The following GABRB1 variants were observed in gnomAD, a reference collection of about 807,000 sequenced individuals.
GABRB1 encodes gamma-aminobutyric acid receptor subunit beta-1.
Under a neutral mutation model 51.6 loss-of-function variants are expected in GABRB1, and 17 were observed. That is an observed-to-expected ratio of 0.33 (90% CI 0.23 to 0.49). The LOEUF (loss-of-function observed/expected upper bound fraction) is 0.49. Ranked by LOEUF, GABRB1 falls within the 20% of genes least tolerant of loss-of-function variation. The pLI, the probability that GABRB1 is intolerant of heterozygous loss-of-function variation, is 0.99. For missense variants in GABRB1, 410 were observed against 600.6 expected (o/e 0.68, Z 3.32); for synonymous variants, 247 against 218.9 (o/e 1.13, Z -1.14).
intron 4 of GABRB1, among the ~76,000 whole-genome samples, chr4:47,194,095 T>C (rs753140551): frequency 2.6e-5 from 4 of 152,218 alleles, no homozygotes; most frequent in Non-Finnish European, 5.9e-5. Flanking sequence ...GTTTTGACTG[T>C]AGCACTCTCA....
chr4:47,048,735 A>G (rs1037119517), intron 3 of GABRB1, among the ~76,000 whole-genome samples: 1 of 152,174 alleles, frequency 6.6e-6, no homozygotes, highest in Admixed American at 6.6e-5. Flanking sequence ...GAGTCCAGAA[A>G]GGTTTATTTA....
chr4:47,222,104 A>G (rs1720790441), intron 4 of GABRB1, among the ~76,000 whole-genome samples: 1 of 152,168 alleles, frequency 6.6e-6, no homozygotes, highest in Non-Finnish European at 1.5e-5. Flanking sequence ...TGTTTACGGT[A>G]TGAGCTGAAA....
At position 47,131,861 on chromosome 4, in the gene GABRB1, C is replaced by G. The variant is rs537764737; in HGVS notation, c.241-29388C>G. On this transcript the variant is annotated intron_variant, in intron 3 of 8. Coordinates refer to ENST00000295454, the MANE Select transcript of GABRB1 (RefSeq NM_000812.4). ...ATTGACAAGTAAAATATCTGAGAACCATTACTAATTTATCCAGTAGAGCAA... is the reference window on the plus strand; with the variant it reads ...ATTGACAAGTAAAATATCTGAGAACGATTACTAATTTATCCAGTAGAGCAA... Among the ~76,000 whole-genome samples, 557 of 152,100 alleles carry G rather than the reference C, an allele frequency of 3.7e-3. 3 individuals carry two copies. The highest frequency in any genetic ancestry group is 5.4e-3 in the Non-Finnish European group (366 of 67,994).
intron 4 of GABRB1, among the ~76,000 whole-genome samples, chr4:47,183,198 C>T (rs963234548): frequency 1.3e-5 from 2 of 151,036 alleles, no homozygotes; most frequent in Non-Finnish European, 3.0e-5. Flanking sequence ...TCTCTGTGAC[C>T]CACAAGCATT....
intron 3 of GABRB1, among the ~76,000 whole-genome samples, chr4:47,154,300 T>C (rs12505780): frequency 0.86 from 126,560 of 147,322 alleles, 54,402 homozygotes; most frequent in African/African-American, 0.9. Flanking sequence ...TTCTTTTTAC[T>C]GGCATGTATA....
At chr4:46,997,757 C>A (rs920505196) in intron 1 of GABRB1, among the ~76,000 whole-genome samples, 2 of 151,988 alleles carry the variant, frequency 1.3e-5, no homozygotes, top group Non-Finnish European at 2.9e-5. Flanking sequence ...TATATACACA[C>A]ACATATATAT....
intron 5 of GABRB1, among the ~76,000 whole-genome samples, chr4:47,350,216 TATAGAGAG>T (rs1424647499): frequency 1.8e-3 from 134 of 73,782 alleles, no homozygotes; most frequent in Middle Eastern, 9.4e-3. Flanking sequence ...TATATATATA[TATAGAGAG>T]AGAGAGAGAG....
intron 3 of GABRB1, among the ~76,000 whole-genome samples, chr4:47,142,133 G>T (rs1716965655): frequency 6.6e-6 from 1 of 151,864 alleles, no homozygotes; most frequent in Non-Finnish European, 1.5e-5. Flanking sequence ...AGCCGAGGGT[G>T]CTCTAAAAGT....
intron 4 of GABRB1, among the ~76,000 whole-genome samples, chr4:47,223,437 T>C (rs10009164): frequency 0.34 from 50,959 of 151,924 alleles, 8,859 homozygotes; most frequent in African/African-American, 0.35. Flanking sequence ...GTAATGCAGC[T>C]ATAGAAATGA....
At chr4:47,019,935 CGTATAT>C (rs1176301082) in intron 1 of GABRB1, among the ~76,000 whole-genome samples, 10 of 135,544 alleles carry the variant, frequency 7.4e-5, no homozygotes, top group African/African-American at 2.6e-4. Flanking sequence ...TATATGTATA[CGTATAT>C]GTATATGTAT....
intron 3 of GABRB1, among the ~76,000 whole-genome samples, chr4:47,060,550 A>C (rs947400191): frequency 1.3e-5 from 2 of 152,156 alleles, no homozygotes; most frequent in African/African-American, 4.8e-5. Flanking sequence ...TTATAAAGAT[A>C]GTTTGCAGTA....
intron 4 of GABRB1, among the ~76,000 whole-genome samples, chr4:47,283,900 C>T (rs1406668071): frequency 6.6e-6 from 1 of 151,914 alleles, no homozygotes; most frequent in Non-Finnish European, 1.5e-5. Context: ...ATGCAAAAGA[C>T]GGATTGTCAA....
At chr4:47,037,067 TAATA>T (rs1012246822) in intron 3 of GABRB1, among the ~76,000 whole-genome samples, 1 of 152,132 alleles carries the variant, frequency 6.6e-6, no homozygotes, top group South Asian at 2.1e-4. Context: ...TGACCTAAAC[TAATA>T]AATAGTCTTC....
chr4:47,239,542 T>C (rs1276169891), intron 4 of GABRB1, among the ~76,000 whole-genome samples: 1 of 152,198 alleles, frequency 6.6e-6, no homozygotes, highest in Non-Finnish European at 1.5e-5. Context: ...CATTTCTATA[T>C]AGCCTCATTT....
At chr4:47,186,356 T>TA (rs549602374) in intron 4 of GABRB1, among the ~76,000 whole-genome samples, 31 of 151,956 alleles carry the variant, frequency 2.0e-4, no homozygotes, top group Non-Finnish European at 4.1e-4. Flanking sequence ...AACATGGACC[T>TA]AAAATCACAA....
chr4:47,195,457 T>C (rs1373407432), intron 4 of GABRB1, among the ~76,000 whole-genome samples: 2 of 80,180 alleles, frequency 2.5e-5, no homozygotes, highest in Non-Finnish European at 5.3e-5. Flanking sequence ...ATAGATAGAT[T>C]AGATGATAGA....
At chr4:47,234,747 T>C (rs1721266542) in intron 4 of GABRB1, among the ~76,000 whole-genome samples, 1 of 152,196 alleles carries the variant, frequency 6.6e-6, no homozygotes, top group Admixed American at 6.5e-5. Flanking sequence ...TGAGTGTATG[T>C]TTTGATATGC....
intron 3 of GABRB1, among the ~76,000 whole-genome samples, chr4:47,048,414 C>A (rs143135425): frequency 1.1e-4 from 17 of 152,226 alleles, no homozygotes; most frequent in African/African-American, 4.1e-4. Context: ...TGCCAGGAGT[C>A]TTTTGCAATG....
intron 1 of GABRB1, among the ~76,000 whole-genome samples, chr4:47,021,476 G>A (rs1265460201): frequency 6.6e-6 from 1 of 152,056 alleles, no homozygotes; most frequent in Non-Finnish European, 1.5e-5. Context: ...TGATGAAGCT[G>A]GGAAAAAATA....
Sources: allele counts gnomAD v4.1 joint callset (sites outside exome capture counted in the v4.1 genomes callset), GRCh38; gene constraint gnomAD v4.1.1; transcripts MANE v1.5; gene names NCBI Gene and HGNC (gene_info 2026-07-23, HGNC 2026-07-21).